MMP26: variants seen among roughly 807,000 people sequenced by gnomAD.
The protein encoded by MMP26 is matrix metalloproteinase-26.
A neutral mutation model predicts 31.0 loss-of-function variants in MMP26; 33 were observed. The observed-to-expected ratio is 1.06, with a 90% CI of 0.81 to 1.42. The LOEUF is 1.42. Ranked by LOEUF, MMP26 falls within the 40% of genes most tolerant of loss-of-function variation. The pLI, the probability that MMP26 is intolerant of heterozygous loss-of-function variation, is 0.00. For synonymous variants in MMP26, 122 were observed against 114.9 expected (o/e 1.06, Z -0.40); for missense variants, 347 against 316.1 (o/e 1.10, Z -0.74).
chr11:4,901,318 C>G (rs934388568), intron 2 of MMP26, among the ~76,000 whole-genome samples: 2 of 151,910 alleles, frequency 1.3e-5, no homozygotes, highest in Admixed American at 6.6e-5. Flanking sequence ...TGCCACCACA[C>G]CTGGCTAATT....
At chr11:4,834,879 T>A (rs945239665) in intron 2 of MMP26, among the ~76,000 whole-genome samples, 1 of 152,156 alleles carries the variant, frequency 6.6e-6, no homozygotes, top group Non-Finnish European at 1.5e-5. Context: ...GACATGGCAG[T>A]GTTTGGATTA....
At chr11:4,733,187 A>G (rs549901291) in intron 1 of MMP26, among the ~76,000 whole-genome samples, 1 of 152,342 alleles carries the variant, frequency 6.6e-6, no homozygotes, top group African/African-American at 2.4e-5. Flanking sequence ...AATTTATGCA[A>G]AGAAGCAAGA....
chr11:4,810,029 G>T (rs1262804755), intron 2 of MMP26, among the ~76,000 whole-genome samples: 1 of 152,158 alleles, frequency 6.6e-6, no homozygotes. Context: ...CGACCTTTAA[G>T]TATTAGTTTT....
At position 4,722,994 on chromosome 11, in the gene MMP26, C is replaced by T. The variant is rs550293101; in HGVS notation, c.-217+17949C>T. The T allele has an allele frequency of 1.5e-4, 134 of 864,776 alleles. 1 individual carries two copies. Among genetic ancestry groups the T allele is most frequent in the African/African-American group, 4.9e-4 (30 of 60,996 alleles). The allele number at this position is 864,776 out of a possible 1,614,324, so 53.6% of individuals were successfully genotyped here. On this transcript the variant is annotated intron_variant, in intron 1 of 7. Coordinates refer to ENST00000380390, the MANE Select transcript of MMP26 (RefSeq NM_021801.5). ...ATCCCAGACTCCAGCCGGCTCTCCT[C>T]GCCATCCAGCAGCTTCCTGTAGGTG...
chr11:4,813,073 A>G lies in MMP26; in HGVS notation c.-145+45732A>G, dbSNP rs532555144. ...TGAATATACCAATAAGTACATTTTA[A>G]TCCATTGTTCAAACTTCGCTATCTG... On this transcript the variant is annotated intron_variant, in intron 2 of 7. Coordinates refer to ENST00000380390, the MANE Select transcript of MMP26 (RefSeq NM_021801.5). Among the ~76,000 whole-genome samples, 14 of 151,962 alleles carry G rather than the reference A, an allele frequency of 9.2e-5. No homozygotes were observed. In the East Asian group the frequency reaches 2.7e-3, roughly 29 times the overall value.
At chr11:4,907,325 T>G in intron 2 of MMP26, 1 of 1,330,240 alleles carries the variant, frequency 7.5e-7, no homozygotes, top group Non-Finnish European at 1.1e-6. Context: ...TGCTTTTCAT[T>G]TATATGGTTT....
intron 2 of MMP26, chr11:4,803,793 G>C (rs776391871): frequency 5.0e-6 from 8 of 1,612,820 alleles, no homozygotes; most frequent in Middle Eastern, 3.3e-4. Context: ...CACGACTTAT[G>C]CTTGTATCAG....
intron 2 of MMP26, among the ~76,000 whole-genome samples, chr11:4,843,797 G>C (rs180889609): frequency 5.3e-5 from 8 of 152,286 alleles, no homozygotes; most frequent in South Asian, 2.1e-4. Flanking sequence ...ACATGGTCAG[G>C]CTGCAAATTT....
At chr11:4,725,280 T>TA (rs1221166129) in intron 1 of MMP26, among the ~76,000 whole-genome samples, 2 of 152,172 alleles carry the variant, frequency 1.3e-5, no homozygotes, top group East Asian at 3.9e-4. Context: ...TACATAGACA[T>TA]AAAGATAACA....
At chr11:4,936,612 A>G (rs930335163) in intron 2 of MMP26, among the ~76,000 whole-genome samples, 1 of 152,196 alleles carries the variant, frequency 6.6e-6, no homozygotes, top group African/African-American at 2.4e-5. Flanking sequence ...TAGAAAAGAT[A>G]ATCTCTAGAG....
intron 2 of MMP26, chr11:4,847,902 C>A (rs1414982774): frequency 2.9e-5 from 6 of 209,252 alleles, no homozygotes; most frequent in Non-Finnish European, 5.6e-5. Flanking sequence ...ATTAACTCTT[C>A]TAGCTTTATC....
chr11:4,889,842 C>G (rs1243217169), intron 2 of MMP26: 1 of 171,614 alleles, frequency 5.8e-6, no homozygotes, highest in Non-Finnish European at 1.3e-5. Flanking sequence ...TTGAGCCGCT[C>G]CCTATGGGAT....
At chr11:4,981,063 A>G (rs545992475) in intron 2 of MMP26, among the ~76,000 whole-genome samples, 5 of 152,252 alleles carry the variant, frequency 3.3e-5, no homozygotes, top group Admixed American at 6.5e-5. Flanking sequence ...TTATTACTGG[A>G]AAAACTTATA....
chr11:4,889,398 T>C (rs767736499), intron 2 of MMP26, among the ~76,000 whole-genome samples: 2 of 152,216 alleles, frequency 1.3e-5, no homozygotes, highest in East Asian at 1.9e-4. Flanking sequence ...ATTATCTACA[T>C]GTTCAGTACA....
chr11:4,978,770 A>T (rs1485095769), intron 2 of MMP26, among the ~76,000 whole-genome samples: 2 of 152,114 alleles, frequency 1.3e-5, no homozygotes, highest in African/African-American at 4.8e-5. Flanking sequence ...CAGTTTCAGA[A>T]AGAACAAAAG....
At chr11:4,812,054 G>T (rs1316255858) in intron 2 of MMP26, among the ~76,000 whole-genome samples, 3 of 152,122 alleles carry the variant, frequency 2.0e-5, no homozygotes, top group Admixed American at 6.5e-5. Context: ...GCCCAATAAA[G>T]GTTGGTTACG....
intron 2 of MMP26, among the ~76,000 whole-genome samples, chr11:4,854,371 G>A (rs1850018672): frequency 6.6e-6 from 1 of 152,138 alleles, no homozygotes; most frequent in Middle Eastern, 3.2e-3. Context: ...CCCTAATACT[G>A]CGCTTTTCCA....
rs753569392 is a variant in MMP26, at chr11:4,992,359, A to T, written c.*117A>T. 6 of 969,204 alleles carry T rather than the reference A, an allele frequency of 6.2e-6. No homozygotes were observed. The highest frequency in any genetic ancestry group is 9.3e-6 in the Non-Finnish European group (6 of 648,378). 60.0% of individuals were successfully genotyped at this position (969,204 alleles called of 1,614,324 possible). A position where few individuals can be genotyped will look rare whatever the true frequency, so the allele number is the denominator to read the frequency against. On this transcript the variant is annotated 3_prime_UTR_variant, in exon 8 of 8. Transcript: ENST00000380390. ...CTAGGATGAAGCCCTAAAGAATGCA[A>T]CCTAGTCAGGTTAGCTGAACCGACA...
chr11:4,747,243 T>G (rs945038758), intron 1 of MMP26, among the ~76,000 whole-genome samples: 1 of 152,136 alleles, frequency 6.6e-6, no homozygotes, highest in Non-Finnish European at 1.5e-5. Context: ...CACAGAGGGC[T>G]AATAGCTGGG....
Sources: gnomAD v4.1 joint callset for allele counts (sites outside exome capture counted in the v4.1 genomes callset) on GRCh38, gnomAD v4.1.1 for gene constraint, MANE v1.5 for transcripts, NCBI Gene and HGNC (gene_info 2026-07-23, HGNC 2026-07-21) for gene names.